TPO: variants seen among roughly 807,000 people sequenced by gnomAD.
The protein encoded by TPO is thyroid microsomal antigen.
A neutral mutation model predicts 96.9 loss-of-function variants in TPO; 78 were observed. The observed-to-expected ratio is 0.81, with a 90% confidence interval of 0.67 to 0.97. The LOEUF is 0.97. TPO is among the 50% of genes least tolerant of loss of function. The probability of loss-of-function intolerance (pLI) is 0.00; values close to 1 mark genes in which losing one functional copy is unlikely to be tolerated. For missense variants in TPO, 1,252 were observed against 1,274.8 expected, an observed-to-expected ratio of 0.98 and a Z score of 0.27; for synonymous variants, 547 against 538.0, an observed-to-expected ratio of 1.02 and a Z score of -0.23.
At chr2:1,429,403 T>C (rs1157411976) in intron 3 of TPO, among the ~76,000 whole-genome samples, 2 of 152,202 alleles carry the variant, frequency 1.3e-5, no homozygotes, top group Non-Finnish European at 2.9e-5. Context: ...TATTTCTTTA[T>C]AGCAATGTGA....
chr2:1,408,222 T>C (rs937143367), intron 1 of TPO, among the ~76,000 whole-genome samples: 1 of 152,236 alleles, frequency 6.6e-6, no homozygotes, highest in Non-Finnish European at 1.5e-5. Context: ...GTTGAGCGGA[T>C]AGCTGAGGCT....
intron 14 of TPO, chr2:1,512,482 T>C: frequency 4.1e-6 from 4 of 985,418 alleles, no homozygotes; most frequent in African/African-American, 1.7e-5. Context: ...CCGCGCTGCC[T>C]TCTGGTTCTG....
intron 14 of TPO, among the ~76,000 whole-genome samples, chr2:1,516,544 C>T (rs777966692): frequency 3.9e-5 from 6 of 152,208 alleles, no homozygotes; most frequent in Non-Finnish European, 8.8e-5. Flanking sequence ...CTGTGGTCCA[C>T]TCCGAGGGCA....
chr2:1,536,842 AATCCCGCCACTGTG>A (rs1679784269), intron 15 of TPO, among the ~76,000 whole-genome samples: 3 of 103,038 alleles, frequency 2.9e-5, no homozygotes, highest in African/African-American at 7.2e-5. Flanking sequence ...AACCTCCCCA[AATCCCGCCACTGTG>A]TTCAACCTCC....
intron 14 of TPO, among the ~76,000 whole-genome samples, chr2:1,507,969 C>T (rs1454505320): frequency 2.0e-5 from 3 of 152,160 alleles, no homozygotes; most frequent in Non-Finnish European, 4.4e-5. Context: ...TGCCAGTTTT[C>T]AAAGGGAATG....
At chr2:1,380,086 A>T (rs982456442) in intron 1 of TPO, among the ~76,000 whole-genome samples, 5 of 152,094 alleles carry the variant, frequency 3.3e-5, no homozygotes, top group Non-Finnish European at 7.4e-5. Flanking sequence ...CTGAAACACA[A>T]TTTTTCCCAT....
chr2:1,436,760 C>T (rs1665615959), intron 5 of TPO, among the ~76,000 whole-genome samples: 1 of 152,220 alleles, frequency 6.6e-6, no homozygotes, highest in Non-Finnish European at 1.5e-5. Context: ...TCACTTTTAC[C>T]TCCAAAATGA....
intron 15 of TPO, among the ~76,000 whole-genome samples, chr2:1,526,399 A>T (rs59134636): frequency 0.12 from 5,936 of 51,392 alleles, 362 homozygotes; most frequent in Non-Finnish European, 0.13. Flanking sequence ...AATGTGAGCA[A>T]CCCCCCCAAA....
chr2:1,448,867 T>G (rs1377707119), intron 5 of TPO, among the ~76,000 whole-genome samples: 1 of 152,170 alleles, frequency 6.6e-6, no homozygotes, highest in East Asian at 1.9e-4. Context: ...AGGTGAAATT[T>G]CCATCCAGGC....
At chr2:1,421,096 ACACT>A (rs1663464648) in intron 2 of TPO, among the ~76,000 whole-genome samples, 1 of 152,088 alleles carries the variant, frequency 6.6e-6, no homozygotes, top group African/African-American at 2.4e-5. Context: ...ACCCGAGGTG[ACACT>A]CACAGGAGGG....
chr2:1,536,747 C>T (rs1294718175), intron 15 of TPO, among the ~76,000 whole-genome samples: 1 of 118,074 alleles, frequency 8.5e-6, no homozygotes, highest in African/African-American at 3.5e-5. Context: ...CTCTGTGCAA[C>T]CTCCCCAAAT....
chr2:1,503,085 G>T (rs549076342), intron 13 of TPO, among the ~76,000 whole-genome samples: 1 of 152,198 alleles, frequency 6.6e-6, no homozygotes, highest in African/African-American at 2.4e-5. Context: ...TGTGGACCCC[G>T]GCTCCTCCAC....
In TPO at chr2:1,379,828, T is replaced by G. The variant is rs1336105486; in HGVS notation, n.180+5426T>G. On this transcript the variant is annotated intron_variant and non_coding_transcript_variant, in intron 1 of 5. Coordinates refer to the TPO transcript ENST00000497517. ...TTAACTCAACCTAAAGAAATAACTT[T>G]AAAAATGAAAATACCAGGCATAACA... Among the ~76,000 whole-genome samples, 9 of 152,186 alleles carry G rather than the reference T, an allele frequency of 5.9e-5. 1 individual carries two copies.
At chr2:1,375,002 T>C (rs1439332330) in intron 1 of TPO, among the ~76,000 whole-genome samples, 2 of 152,246 alleles carry the variant, frequency 1.3e-5, no homozygotes, top group East Asian at 3.9e-4. Context: ...GTGTTGGGAT[T>C]ACAGGCATGA....
chr2:1,503,883 G>A (rs902301769), intron 13 of TPO, 65 bp from the exon 14 acceptor site: 5 of 1,613,382 alleles, frequency 3.1e-6, no homozygotes, highest in Non-Finnish European at 4.2e-6. Flanking sequence ...CAGAACGGGG[G>A]TCGCTCGCGG....
chr2:1,436,830 G>C (rs759682320), intron 5 of TPO, among the ~76,000 whole-genome samples: 6 of 152,098 alleles, frequency 3.9e-5, no homozygotes, highest in Non-Finnish European at 5.9e-5. Flanking sequence ...CTGCCATCAC[G>C]TGGTGGTCCC....
chr2:1,528,465 T>TC (rs1677149961), intron 15 of TPO, among the ~76,000 whole-genome samples: 5 of 98,750 alleles, frequency 5.1e-5, no homozygotes, highest in East Asian at 4.2e-4. Context: ...CTCAAATCTC[T>TC]CAACTGTGTG....
rs189978432 is a variant in TPO at position 1,398,584 on chromosome 2, C to T, written n.180+24182C>T. ...GACCTCTGTCCCTTCTCTGCCTCCC[C>T]ACAGCTCAGCATTTATCTAGCTGGG... On this transcript the variant is annotated intron_variant and non_coding_transcript_variant, in intron 1 of 5. Transcript: ENST00000497517. Among the ~76,000 whole-genome samples, 889 of 152,336 alleles carry T rather than the reference C, an allele frequency of 5.8e-3. 4 individuals carry two copies. The highest frequency in any genetic ancestry group is 7.8e-3 in the Non-Finnish European group (534 of 68,032).
At chr2:1,501,931 A>G (rs1459853766) in intron 13 of TPO, among the ~76,000 whole-genome samples, 1 of 152,026 alleles carries the variant, frequency 6.6e-6, no homozygotes, top group African/African-American at 2.4e-5. Context: ...GCCACAGGGA[A>G]CTCATAAGGA....
Sources: gnomAD v4.1 joint callset for allele counts (sites outside exome capture counted in the v4.1 genomes callset) on GRCh38, gnomAD v4.1.1 for gene constraint, MANE v1.5 for transcripts, NCBI Gene and HGNC (gene_info 2026-07-23, HGNC 2026-07-21) for gene names.